The following QPCTL variants were observed in gnomAD, a reference collection of about 807,000 sequenced individuals.
QPCTL encodes glutaminyl-peptide cyclotransferase-like protein.
A neutral mutation model predicts 34.6 loss-of-function variants in QPCTL; 31 were observed. The ratio of observed to expected loss-of-function variants is 0.90; its 90% CI spans 0.67 to 1.21. QPCTL has a LOEUF of 1.21. QPCTL is among the 50% of genes most tolerant of loss of function. The probability of loss-of-function intolerance (pLI) is 0.00; values close to 1 mark genes in which losing one functional copy is unlikely to be tolerated. For synonymous variants in QPCTL, 223 were observed against 226.9 expected, an observed-to-expected ratio of 0.98 and a Z score of 0.15; for missense variants, 474 against 507.8, an observed-to-expected ratio of 0.93 and a Z score of 0.64.
intron 5 of QPCTL, among the ~76,000 whole-genome samples, chr19:45,700,122 T>C (rs1052219856): frequency 7.4e-5 from 11 of 147,946 alleles, no homozygotes; most frequent in Non-Finnish European, 1.3e-4. Context: ...TAATAAAAAT[T>C]AAAATTAAAA....
chr19:45,699,981 G>T (rs1313513766), intron 5 of QPCTL, among the ~76,000 whole-genome samples: 1 of 148,004 alleles, frequency 6.8e-6, no homozygotes, highest in African/African-American at 2.5e-5. Flanking sequence ...CCTGCCTGCA[G>T]TCCCAGTGAC....
chr19:45,703,680 T>C lies in QPCTL; in HGVS notation c.*631T>C, dbSNP rs1967850158. 1 of 149,602 alleles carries C rather than the reference T, an allele frequency of 6.7e-6. No individual in the cohort carries two copies. The highest frequency in any genetic ancestry group is 2.3e-4 in the South Asian group (1 of 4,366). The allele number at this position is 149,602 out of a possible 1,614,324, so 9.3% of individuals were successfully genotyped here. A position where few individuals can be genotyped will look rare whatever the true frequency, so the allele number is the denominator to read the frequency against. On this transcript the variant is annotated 3_prime_UTR_variant, in exon 7 of 7. Coordinates refer to ENST00000012049, the MANE Select transcript of QPCTL (RefSeq NM_017659.4). ...TGAAAAAGTAAAAGACTGCTGGGTG[T>C]GGTGGCTCACACCTGTAATCCCAAC...
At chr19:45,696,505 G>A (rs1967699292) in intron 3 of QPCTL, among the ~76,000 whole-genome samples, 1 of 151,794 alleles carries the variant, frequency 6.6e-6, no homozygotes, top group African/African-American at 2.4e-5. Context: ...GCAGAGAATT[G>A]CTTGAACCCG....
chr19:45,699,036 T>TC, intron 5 of QPCTL, 136 bp downstream of exon 5: 1 of 606,692 alleles, frequency 1.6e-6, no homozygotes, highest in East Asian at 3.1e-5. Context: ...CCCATCTTTT[T>TC]TTTTTTTTTT....
chr19:45,698,736 G>C (rs1360681728), intron 4 of QPCTL, 37 bp downstream of exon 4: 1 of 1,613,694 alleles, frequency 6.2e-7, no homozygotes, highest in East Asian at 2.2e-5. Context: ...GCGAGGGAGG[G>C]AGCAGGTTAA....
chr19:45,693,588 C>T (rs1568536774), intron 2 of QPCTL, 32 bp downstream of exon 2: 1 of 1,568,372 alleles, frequency 6.4e-7, no homozygotes, highest in South Asian at 1.2e-5. Context: ...CCCTGACCCC[C>T]TAGCCCTCCA....
intron 1 of QPCTL, 25 bp from the exon 2 acceptor site, chr19:45,693,388 T>C (rs1337950757): frequency 1.3e-6 from 2 of 1,595,720 alleles, no homozygotes; most frequent in Non-Finnish European, 1.7e-6. Flanking sequence ...CATTCTTCCC[T>C]TCCCTATCCC....
chr19:45,698,005 G>T (rs1967732083), intron 3 of QPCTL, among the ~76,000 whole-genome samples: 1 of 152,112 alleles, frequency 6.6e-6, no homozygotes, highest in Admixed American at 6.6e-5. Context: ...CACTTTGGGA[G>T]GCTGAGGTAG....
At chr19:45,697,206 C>G (rs1020339639) in intron 3 of QPCTL, among the ~76,000 whole-genome samples, 1 of 152,096 alleles carries the variant, frequency 6.6e-6, no homozygotes, top group East Asian at 1.9e-4. Context: ...GCAGGTGGAT[C>G]GTGAGGTCAG....
chr19:45,695,472 T>A lies in QPCTL; in HGVS notation c.387T>A (p.Gly129=), dbSNP rs760969961. ...CCACGCTGCGGTCCCTGACAGCAGG[T>A]TGGCACGTGGAGCTGGATCCCTTCA... The part of the protein sequence containing the change: ...LEATLRSLTA[G]WHVELDPFTA... Residue 129 remains glycine (G), a synonymous_variant, in exon 3 of 7, where the codon GGT becomes GGA. Transcript: ENST00000012049. The A allele has an allele frequency of 1.9e-6, 3 of 1,610,634 alleles. No homozygotes were observed. The highest frequency in any genetic ancestry group is 2.5e-6 in the Non-Finnish European group (3 of 1,178,146).
chr19:45,698,394 T>A (rs1418785225), intron 3 of QPCTL, 153 bp from the exon 4 acceptor site: 1 of 911,066 alleles, frequency 1.1e-6, no homozygotes, highest in East Asian at 2.7e-5. Context: ...CCCAGACAAC[T>A]GACTCGGAAT....
intron 3 of QPCTL, 171 bp from the exon 4 acceptor site, chr19:45,698,376 G>T: frequency 1.3e-6 from 1 of 773,458 alleles, no homozygotes; most frequent in Non-Finnish European, 2.0e-6. Context: ...GCCAAGTACG[G>T]ATTTGATCCC....
chr19:45,695,830 G>A (rs183993453), intron 3 of QPCTL, 112 bp downstream of exon 3: 47 of 1,226,036 alleles, frequency 3.8e-5, no homozygotes, highest in East Asian at 1.5e-4. Flanking sequence ...TCTACTCCAC[G>A]CACAGAGCCA....
intron 5 of QPCTL, 83 bp downstream of exon 5, chr19:45,698,983 C>T (rs1458073667): frequency 4.4e-6 from 5 of 1,149,288 alleles, no homozygotes; most frequent in South Asian, 1.3e-5. Flanking sequence ...CAGGCACCTA[C>T]ACTCTAAAGG....
chr19:45,693,618 C>G, intron 2 of QPCTL, 62 bp downstream of exon 2: 1 of 1,519,540 alleles, frequency 6.6e-7, no homozygotes, highest in African/African-American at 1.4e-5. Flanking sequence ...AAATAAGAAT[C>G]CTGTTCAAGA....
At chr19:45,693,888 G>C (rs1967636658) in intron 2 of QPCTL, among the ~76,000 whole-genome samples, 1 of 152,196 alleles carries the variant, frequency 6.6e-6, no homozygotes, top group African/African-American at 2.4e-5. Flanking sequence ...GTAGACCTTA[G>C]CCGGGTGCAG....
chr19:45,699,311 G>A (rs578017435), intron 5 of QPCTL, among the ~76,000 whole-genome samples: 6 of 151,646 alleles, frequency 4.0e-5, no homozygotes, highest in East Asian at 2.0e-4. Context: ...GATTACAGGC[G>A]TGAGCCACCG....
rs555604079 is a variant in QPCTL, at chr19:45,703,876, G to A, written c.*827G>A. ...GCTGAGGCAGGAGAATCACTTGTAC[G>A]CAGGAGGCGGAGGTTGCAGTGAGCC... On this transcript the variant is annotated 3_prime_UTR_variant, in exon 7 of 7. Transcript: ENST00000012049. The A allele has an allele frequency of 7.2e-5, 11 of 151,912 alleles. No individual in the cohort carries two copies. The highest frequency in any genetic ancestry group is 2.1e-4 in the South Asian group (1 of 4,794). The allele number at this position is 151,912 out of a possible 1,614,324, so 9.4% of individuals were successfully genotyped here.
At position 45,695,561 on chromosome 19, in the gene QPCTL, C is replaced by A. The variant is rs755797928; in HGVS notation, c.476C>A (p.Ala159Asp). 5.0e-6 allele frequency: 8 copies of A among 1,614,016 alleles called. No individual in the cohort carries two copies. The Admixed American group carries it at 1.3e-4, about 27-fold the overall frequency. ...GTGGTGGCCACACTGGACCCAAGGGCTGCCCGTCACCTCACCCTTGCCTGC... is the reference window on the plus strand; with the variant it reads ...GTGGTGGCCACACTGGACCCAAGGGATGCCCGTCACCTCACCCTTGCCTGC... ...GNVVATLDPR[A>D]ARHLTLACHY... The change falls in exon 3 of 7, where the codon GCT (alanine) becomes GAT (aspartate). Residue 159 changes from alanine (A) to aspartate (D), a missense_variant. Physicochemically the swap from Ala to Asp is moderately radical, Grantham distance 126. Transcript: ENST00000012049.
Sources: gnomAD v4.1 joint callset for allele counts (sites outside exome capture counted in the v4.1 genomes callset) on GRCh38, gnomAD v4.1.1 for gene constraint, MANE v1.5 for transcripts, NCBI Gene and HGNC (gene_info 2026-07-23, HGNC 2026-07-21) for gene names.